The following CNTLN variants were observed in gnomAD, a reference collection of about 807,000 sequenced individuals.
The protein encoded by CNTLN is centlein, centrosomal protein.
A neutral mutation model predicts 180.0 loss-of-function variants in CNTLN; 212 were observed. The ratio of observed to expected loss-of-function variants is 1.18; its 90% CI spans 1.05 to 1.32. The LOEUF is 1.32. CNTLN is among the 40% of genes most tolerant of loss of function. The probability of loss-of-function intolerance (pLI) is 0.00; values close to 1 mark genes in which losing one functional copy is unlikely to be tolerated. For missense variants in CNTLN, 2,095 were observed against 1,610.9 expected (o/e 1.30, Z -5.14); for synonymous variants, 722 against 563.1 (o/e 1.28, Z -3.99).
chr9:17,205,729 C>T (rs749516223), intron 2 of CNTLN, among the ~76,000 whole-genome samples: 2 of 152,114 alleles, frequency 1.3e-5, no homozygotes, highest in African/African-American at 4.8e-5. Context: ...AATGGTTAAT[C>T]GGGAGTAAAG....
chr9:17,453,907 A>G (rs1206172656), intron 18 of CNTLN, among the ~76,000 whole-genome samples: 5 of 152,212 alleles, frequency 3.3e-5, no homozygotes, highest in African/African-American at 1.2e-4. Context: ...TCATCTGATT[A>G]GGTCAGGACC....
intron 12 of CNTLN, among the ~76,000 whole-genome samples, chr9:17,350,633 G>A (rs6475142): frequency 0.6 from 90,844 of 151,828 alleles, 27,431 homozygotes; most frequent in East Asian, 0.73. Context: ...AGTTTTGGAG[G>A]CTGAGAAATT....
intron 5 of CNTLN, among the ~76,000 whole-genome samples, chr9:17,262,628 T>G (rs1188645041): frequency 6.6e-6 from 1 of 150,588 alleles, no homozygotes; most frequent in East Asian, 2.0e-4. Context: ...AATGCATATT[T>G]CGGGGTTAAC....
intron 2 of CNTLN, among the ~76,000 whole-genome samples, chr9:17,161,428 A>T (rs1819670853): frequency 6.6e-6 from 1 of 152,148 alleles, no homozygotes; most frequent in South Asian, 2.1e-4. Flanking sequence ...TTTTGTCTTT[A>T]AATGCATAAG....
At chr9:17,409,126 T>C (rs2133839942) in intron 15 of CNTLN, among the ~76,000 whole-genome samples, 167 bp from the exon 16 acceptor site, 1 of 152,326 alleles carries the variant, frequency 6.6e-6, no homozygotes, top group Middle Eastern at 3.4e-3. Flanking sequence ...TTGTACAATA[T>C]ATTTAGATTC....
At chr9:17,522,373 G>T in the CNTLN span, among the ~76,000 whole-genome samples, 2 of 152,092 alleles carry the variant, frequency 1.3e-5, no homozygotes, top group Admixed American at 6.5e-5. Flanking sequence ...CCGCTAACTT[G>T]CCCAAGATTC....
chr9:17,285,416 T>A (rs1347089622), intron 6 of CNTLN, among the ~76,000 whole-genome samples: 1 of 149,134 alleles, frequency 6.7e-6, no homozygotes, highest in Non-Finnish European at 1.5e-5. Context: ...GTTGGACATT[T>A]GGGTTGGTTC....
intron 18 of CNTLN, among the ~76,000 whole-genome samples, chr9:17,416,651 A>T (rs927860793): frequency 6.6e-6 from 1 of 152,174 alleles, no homozygotes; most frequent in African/African-American, 2.4e-5. Context: ...GTAAGTATCT[A>T]TTTTAATGTA....
At chr9:17,490,040 G>A (rs1178593665) in intron 25 of CNTLN, among the ~76,000 whole-genome samples, 1 of 152,126 alleles carries the variant, frequency 6.6e-6, no homozygotes, top group African/African-American at 2.4e-5. Flanking sequence ...AAAGCAGGAT[G>A]GGAGAAACCA....
At chr9:17,226,633 T>A (rs1041795093) in intron 3 of CNTLN, among the ~76,000 whole-genome samples, 3 of 151,996 alleles carry the variant, frequency 2.0e-5, no homozygotes, top group Non-Finnish European at 2.9e-5. Context: ...GTAGAAAAGA[T>A]AAAAATTGAG....
At chr9:17,437,036 G>A (rs935448759) in intron 18 of CNTLN, among the ~76,000 whole-genome samples, 1 of 152,168 alleles carries the variant, frequency 6.6e-6, no homozygotes, top group African/African-American at 2.4e-5. Context: ...TTATTGATCT[G>A]TGCGTGACAT....
intron 8 of CNTLN, among the ~76,000 whole-genome samples, chr9:17,320,165 G>A (rs900365531): frequency 6.6e-6 from 1 of 152,164 alleles, no homozygotes; most frequent in Non-Finnish European, 1.5e-5. Context: ...ATTTTAACCA[G>A]TCTTGTTGAT....
chr9:17,495,100 C>G, intron 25 of CNTLN: 2 of 352,970 alleles, frequency 5.7e-6, no homozygotes, highest in Non-Finnish European at 1.1e-5. Context: ...GGCTGGTCTC[C>G]AACTCCTGAG....
At chr9:17,468,963 G>T (rs1831907939) in intron 23 of CNTLN, among the ~76,000 whole-genome samples, 1 of 151,656 alleles carries the variant, frequency 6.6e-6, no homozygotes. Flanking sequence ...ATGTTTCAAA[G>T]ATTATATAAT....
intron 12 of CNTLN, among the ~76,000 whole-genome samples, chr9:17,356,046 A>G (rs1200019421): frequency 7.0e-6 from 1 of 143,844 alleles, no homozygotes; most frequent in Admixed American, 7.2e-5. Flanking sequence ...CCTGGGCAAC[A>G]AAGCGAGACT....
intron 1 of CNTLN, among the ~76,000 whole-genome samples, chr9:17,137,825 A>C (rs1393333912): frequency 5.3e-5 from 8 of 152,220 alleles, no homozygotes; most frequent in Admixed American, 4.6e-4. Context: ...CAGAATAAGC[A>C]TGTAATAGAA....
intron 16 of CNTLN, among the ~76,000 whole-genome samples, chr9:17,410,543 T>A (rs2133849971): frequency 6.6e-6 from 1 of 152,330 alleles, no homozygotes; most frequent in South Asian, 2.1e-4. Context: ...TCAATTCTAA[T>A]GTGGCCAAAC....
chr9:17,379,161 C>G (rs1304972375), intron 13 of CNTLN, among the ~76,000 whole-genome samples: 1 of 151,946 alleles, frequency 6.6e-6, no homozygotes, highest in East Asian at 1.9e-4. Flanking sequence ...ATAGCGTGCC[C>G]CACTTTTTTC....
At chr9:17,291,783 T>C (rs565014560) in intron 6 of CNTLN, among the ~76,000 whole-genome samples, 10 of 152,350 alleles carry the variant, frequency 6.6e-5, no homozygotes, top group South Asian at 6.2e-4. Context: ...TGTCTTTTAA[T>C]CGGGGCATTT....
Sources: allele counts gnomAD v4.1 joint callset (sites outside exome capture counted in the v4.1 genomes callset), GRCh38; gene constraint gnomAD v4.1.1; transcripts MANE v1.5; gene names NCBI Gene and HGNC (gene_info 2026-07-23, HGNC 2026-07-21).